Variants in SOX5 observed in about 807,000 individuals in gnomAD.
SOX5 encodes the protein transcription factor SOX-5.
SOX5 carries 9 observed loss-of-function variants against 92.0 expected under a neutral mutation model. That is an observed-to-expected ratio of 0.10 (90% CI 0.06 to 0.17). The LOEUF (loss-of-function observed/expected upper bound fraction) is 0.17, where lower values mean the gene tolerates loss of function less well. SOX5 is among the 10% of genes least tolerant of loss of function. The probability of loss-of-function intolerance (pLI) is 1.00; values close to 1 mark genes in which losing one functional copy is unlikely to be tolerated. For missense variants in SOX5, 642 were observed against 944.5 expected (o/e 0.68, Z 4.20); for synonymous variants, 344 against 336.3 (o/e 1.02, Z -0.25).
intron 3 of SOX5, among the ~76,000 whole-genome samples, chr12:24,229,692 A>G (rs1417406122): frequency 6.6e-6 from 1 of 152,210 alleles, no homozygotes; most frequent in East Asian, 1.9e-4. Context: ...CCTTGGCTGT[A>G]AAATGAGCCA....
chr12:24,331,873 A>AAAAAAAAAAT (rs777785887), intron 2 of SOX5, among the ~76,000 whole-genome samples: 2 of 141,200 alleles, frequency 1.4e-5, no homozygotes, highest in Non-Finnish European at 3.2e-5. Context: ...AAAAAAAAAA[A>AAAAAAAAAAT]AAGGAAAGAA....
In SOX5 at chr12:23,924,209, T is replaced by C. The variant is rs191796995; in HGVS notation, c.38+25355A>G. Among the ~76,000 whole-genome samples the C allele has an allele frequency of 8.1e-4, 123 of 152,350 alleles. 1 individual carries two copies. Among genetic ancestry groups the C allele is most frequent in the African/African-American group, 2.9e-3 (119 of 41,586 alleles). ...TTATGGAAATATCAAAAATCTCACA[T>C]GAATTTAACATCAGAGATTAAGCTG... is the stretch of plus-strand genomic sequence containing the variant. On this transcript the variant is annotated intron_variant, in intron 1 of 14. Transcript: ENST00000451604.
chr12:23,758,309 C>T (rs1180519026), intron 3 of SOX5, among the ~76,000 whole-genome samples: 1 of 149,850 alleles, frequency 6.7e-6, no homozygotes, highest in African/African-American at 2.4e-5. Context: ...AGAGATGAAG[C>T]AGCACCAGCA....
At chr12:24,473,871 T>TA (rs1261548629) in intron 1 of SOX5, among the ~76,000 whole-genome samples, 1 of 152,220 alleles carries the variant, frequency 6.6e-6, no homozygotes, top group East Asian at 1.9e-4. Flanking sequence ...TTAATCAAGA[T>TA]ACTCTGCATG....
At chr12:24,264,779 T>C (rs1942767083) in intron 3 of SOX5, among the ~76,000 whole-genome samples, 1 of 152,228 alleles carries the variant, frequency 6.6e-6, no homozygotes, top group Admixed American at 6.5e-5. Flanking sequence ...AAAAAGTGAC[T>C]ACAAAAACAC....
chr12:24,264,043 T>C (rs537956109), intron 3 of SOX5, among the ~76,000 whole-genome samples: 4 of 152,224 alleles, frequency 2.6e-5, no homozygotes, highest in Non-Finnish European at 5.9e-5. Flanking sequence ...TGATTTTTAA[T>C]GTAATTTAAA....
At chr12:23,800,811 A>C (rs919789594) in intron 3 of SOX5, among the ~76,000 whole-genome samples, 4 of 152,328 alleles carry the variant, frequency 2.6e-5, no homozygotes, top group Admixed American at 2.0e-4. Context: ...TCCATTAACA[A>C]CACCATATAT....
chr12:23,707,768 C>G (rs879692540), intron 6 of SOX5, among the ~76,000 whole-genome samples: 2 of 151,918 alleles, frequency 1.3e-5, no homozygotes, highest in Admixed American at 1.3e-4. Context: ...AAAATAGGCA[C>G]CTCTTTCATA....
chr12:23,869,125 T>G (rs1486351893), intron 2 of SOX5, among the ~76,000 whole-genome samples: 1 of 152,304 alleles, frequency 6.6e-6, no homozygotes. Flanking sequence ...CATGACATGA[T>G]GAATATAAAT....
At chr12:23,994,820 G>T (rs1410309548) in intron 4 of SOX5, among the ~76,000 whole-genome samples, 1 of 152,134 alleles carries the variant, frequency 6.6e-6, no homozygotes, top group African/African-American at 2.4e-5. Context: ...TGGAAAAGTT[G>T]GAATGAGCTT....
In SOX5 at chr12:24,364,511, C is replaced by CATATATATATATATATAT. The variant is rs58135899; in HGVS notation, c.-174+4034_-174+4051dup. Among the ~76,000 whole-genome samples, 166 of 110,478 alleles carry CATATATATATATATATAT rather than the reference C, an allele frequency of 1.5e-3. 1 individual carries two copies. The highest frequency in any genetic ancestry group is 0.01 in the Middle Eastern group (2 of 198). 72.5% of individuals were successfully genotyped at this position (110,478 alleles called of 152,430 possible). On this transcript the variant is annotated intron_variant, in intron 2 of 4. Coordinates refer to the SOX5 transcript ENST00000446891. ...AAAACTGAACAACTTAACATTTTTT[C>CATATATATATATATATAT]ATATATATATATATATATATATATA...
At chr12:24,444,948 G>C (rs1008375554) in intron 1 of SOX5, among the ~76,000 whole-genome samples, 1 of 152,114 alleles carries the variant, frequency 6.6e-6, no homozygotes. Context: ...GAGACTCAAA[G>C]TGTGTTTCCC....
At chr12:24,043,310 T>C (rs1453036761) in intron 4 of SOX5, among the ~76,000 whole-genome samples, 1 of 152,218 alleles carries the variant, frequency 6.6e-6, no homozygotes, top group Non-Finnish European at 1.5e-5. Flanking sequence ...ATTTGGTACC[T>C]TGCACGCGTA....
chr12:24,261,093 A>C (rs914964451), intron 3 of SOX5, among the ~76,000 whole-genome samples: 1 of 152,216 alleles, frequency 6.6e-6, no homozygotes, highest in Non-Finnish European at 1.5e-5. Context: ...TGAGTGTTCA[A>C]TATATGCTAA....
chr12:23,797,343 T>C (rs560130831), intron 3 of SOX5, among the ~76,000 whole-genome samples: 3 of 152,202 alleles, frequency 2.0e-5, no homozygotes, highest in East Asian at 1.9e-4. Context: ...CTTGGCCATA[T>C]AATATGCTTT....
intron 1 of SOX5, among the ~76,000 whole-genome samples, chr12:24,423,118 A>G (rs1966180971): frequency 6.6e-6 from 1 of 152,238 alleles, no homozygotes; most frequent in Non-Finnish European, 1.5e-5. Flanking sequence ...AGAAATCTGC[A>G]CTCCTATAAA....
intron 6 of SOX5, among the ~76,000 whole-genome samples, chr12:23,686,873 G>A (rs963214739): frequency 5.3e-5 from 8 of 151,906 alleles, no homozygotes; most frequent in East Asian, 1.9e-4. Flanking sequence ...GGTTCACTAC[G>A]TCCAGGTACG....
intron 3 of SOX5, among the ~76,000 whole-genome samples, chr12:23,813,705 A>G (rs1264606192): frequency 6.6e-6 from 1 of 152,224 alleles, no homozygotes; most frequent in African/African-American, 2.4e-5. Flanking sequence ...CAGAAGAAAG[A>G]GCATGCATGC....
intron 3 of SOX5, among the ~76,000 whole-genome samples, chr12:23,823,530 C>T (rs2096168094): frequency 6.6e-6 from 1 of 152,192 alleles, no homozygotes; most frequent in Admixed American, 6.5e-5. Flanking sequence ...CTACTTTTCT[C>T]TCTGGCTGCC....
Sources: allele counts gnomAD v4.1 joint callset (sites outside exome capture counted in the v4.1 genomes callset), GRCh38; gene constraint gnomAD v4.1.1; transcripts MANE v1.5; gene names NCBI Gene and HGNC (gene_info 2026-07-23, HGNC 2026-07-21).